The following CRYBG3 variants were observed in gnomAD, a reference collection of about 807,000 sequenced individuals.
CRYBG3 encodes very large A-kinase anchor protein.
In CRYBG3, 127 loss-of-function variants were observed where a neutral mutation model predicts 244.2. The ratio of observed to expected loss-of-function variants is 0.52; its 90% confidence interval spans 0.45 to 0.60. CRYBG3 has a LOEUF of 0.60. Ranked by LOEUF, CRYBG3 falls within the 20% of genes least tolerant of loss-of-function variation. CRYBG3 has a pLI of 0.00. For missense variants in CRYBG3, 3,325 were observed against 3,442.5 expected, an observed-to-expected ratio of 0.97 and a Z score of 0.85; for synonymous variants, 1,132 against 1,195.8, an observed-to-expected ratio of 0.95 and a Z score of 1.10.
rs1264094364 is a variant in CRYBG3 at position 97,896,039 on chromosome 3, G to A, written c.7655G>A (p.Cys2552Tyr). ...GGAGACTTTGAAGACAGTAATGCTT[G>A]TGGTGCATTAAGTAGCCCTATCTTG... is the stretch of plus-strand genomic sequence containing the variant. ...EEGDFEDSNACGALSSPILSF... is the reference protein window; with the variant it reads ...EEGDFEDSNAYGALSSPILSF... The change falls in exon 12 of 22, where the codon TGT becomes TAT. Residue 2552 changes from cysteine (C) to tyrosine (Y), a missense_variant. Cys to Tyr is a radical substitution (Grantham distance 194, BLOSUM62 -2). Around this residue, in one of 4 missense-constraint regions of CRYBG3, gnomAD observed 714 missense variants for 803.6 expected, o/e 0.89. Coordinates refer to ENST00000389622, the MANE Select transcript of CRYBG3 (RefSeq NM_153605.4). 6.2e-7 allele frequency: 1 copy of A among 1,613,022 alleles called. No homozygotes were observed. Among genetic ancestry groups the A allele is most frequent in the East Asian group, 2.2e-5 (1 of 44,834 alleles).
At chr3:97,842,105 T>G (rs1206798349) in intron 1 of CRYBG3, among the ~76,000 whole-genome samples, 1 of 152,176 alleles carries the variant, frequency 6.6e-6, no homozygotes, top group Non-Finnish European at 1.5e-5. Context: ...CTAACTAGAC[T>G]GAGTTTTGCA....
intron 7 of CRYBG3, among the ~76,000 whole-genome samples, chr3:97,881,978 G>A (rs573091856): frequency 6.6e-6 from 1 of 151,936 alleles, no homozygotes; most frequent in South Asian, 2.1e-4. Context: ...GGAGGCTGAG[G>A]TGGGTGGATC....
chr3:97,937,043 G>A (rs1360658083), intron 19 of CRYBG3, 135 bp downstream of exon 19: 9 of 925,300 alleles, frequency 9.7e-6, no homozygotes, highest in Admixed American at 5.6e-5. Context: ...TTAGGATGCG[G>A]ATATCTTGTA....
intron 17 of CRYBG3, among the ~76,000 whole-genome samples, chr3:97,930,735 G>A (rs1270404786): frequency 6.6e-6 from 1 of 152,014 alleles, no homozygotes; most frequent in Non-Finnish European, 1.5e-5. Flanking sequence ...GTGGCTAGTG[G>A]CTGCCATATT....
chr3:97,891,724 C>T (rs955371071), intron 10 of CRYBG3, among the ~76,000 whole-genome samples: 4 of 152,046 alleles, frequency 2.6e-5, no homozygotes, highest in African/African-American at 9.7e-5. Flanking sequence ...AAGGAGGCAA[C>T]TCAGGAGCGT....
chr3:97,874,834 G>T lies in CRYBG3; in HGVS notation c.3640G>T (p.Glu1214Ter). 1.3e-6 allele frequency: 2 copies of T among 1,535,892 alleles called. No homozygotes were observed. Among genetic ancestry groups the T allele is most frequent in the Non-Finnish European group, 1.7e-6 (2 of 1,146,818 alleles). The change falls in exon 4 of 22, where the codon GAA becomes TAA. Residue 1214 changes from glutamate to a stop codon, truncating the protein, a stop_gained. Coordinates refer to ENST00000389622, the MANE Select transcript of CRYBG3 (RefSeq NM_153605.4). LOFTEE classifies it high-confidence loss of function. ...IGEIFNSVRE[E>*]LKFKHTVSTC... ...TGAGATTTTTAATTCTGTCAGGGAA[G>T]AACTAAAATTCAAACACACAGTGAG...
In CRYBG3 at chr3:97,873,070, G is replaced by A. The variant is rs1320683881; in HGVS notation, c.1876G>A (p.Asp626Asn). ...AAGTCACATTTCAGAAACTCCTCTT[G>A]ACTCTGAGAGTCCTCAACAAGCTGA... ...NRSHISETPL[D>N]SESPQQAEVS... is the part of the protein sequence containing the mutation. Residue 626 changes from aspartate (D) to asparagine (N), a missense_variant, in exon 4 of 22, where the codon GAC (aspartate) becomes AAC (asparagine). By Grantham distance (23) the Asp-to-Asn change is conservative (BLOSUM62 1). This residue lies in a region of CRYBG3 where 1,526 missense variants were observed against 1,443.2 expected (regional missense o/e 1.06). Coordinates refer to ENST00000389622, the MANE Select transcript of CRYBG3 (RefSeq NM_153605.4). The A allele has an allele frequency of 7.2e-6, 11 of 1,534,338 alleles. No homozygotes were observed. In the Admixed American group the frequency reaches 1.6e-4, roughly 22 times the overall value.
Position 97,877,781 on chromosome 3 carries a change from C to A in CRYBG3, c.6587C>A (p.Ser2196Ter). The A allele has an allele frequency of 6.2e-7, 1 of 1,614,044 alleles. No individual in the cohort carries two copies. Among genetic ancestry groups the A allele is most frequent in the Non-Finnish European group, 8.5e-7 (1 of 1,179,998 alleles). The stretch of plus-strand genomic sequence containing the variant: ...GAGAGCGTTGGAATTTCTAAGAATT[C>A]ATATGTGATGCCAAATGAACCTACT... Reference protein sequence around the residue: ...DQESVGISKNSYVMPNEPTTS... With the variant: ...DQESVGISKN The change falls in exon 4 of 22, where the codon TCA (serine) becomes TAA (stop). Residue 2196 changes from serine to a stop codon, truncating the protein, a stop_gained. Transcript: ENST00000389622. LOFTEE classifies it high-confidence loss of function.
At chr3:97,910,167 C>T (rs2039849965) in intron 15 of CRYBG3, among the ~76,000 whole-genome samples, 1 of 151,460 alleles carries the variant, frequency 6.6e-6, no homozygotes, top group East Asian at 2.0e-4. Context: ...CAGACAGGGA[C>T]ATTTAAGTCT....
chr3:97,825,581 A>G (rs954319616), intron 1 of CRYBG3, among the ~76,000 whole-genome samples: 2 of 152,232 alleles, frequency 1.3e-5, no homozygotes, highest in Non-Finnish European at 2.9e-5. Context: ...GAATGGAACA[A>G]TTCTTTGAAC....
At chr3:97,892,306 G>A (rs1214564664) in intron 10 of CRYBG3, among the ~76,000 whole-genome samples, 1 of 152,002 alleles carries the variant, frequency 6.6e-6, no homozygotes, top group Admixed American at 6.6e-5. Context: ...TTGTTTCTAC[G>A]GTTAATCATC....
At chr3:97,847,656 A>G (rs1485188371) in intron 2 of CRYBG3, among the ~76,000 whole-genome samples, 1 of 152,212 alleles carries the variant, frequency 6.6e-6, no homozygotes. Flanking sequence ...CAGGTTATAG[A>G]TTCTCCAACC....
intron 2 of CRYBG3, among the ~76,000 whole-genome samples, chr3:97,856,573 G>A (rs571581437): frequency 2.2e-4 from 34 of 152,292 alleles, no homozygotes; most frequent in African/African-American, 7.9e-4. Context: ...ACTAATAAAT[G>A]TCCATGAAAT....
chr3:97,878,373 G>C (rs1311356608), intron 4 of CRYBG3, among the ~76,000 whole-genome samples: 1 of 152,200 alleles, frequency 6.6e-6, no homozygotes, highest in African/African-American at 2.4e-5. Flanking sequence ...TCGCACCAGT[G>C]CACTCCAGTC....
rs1476840005 is a variant in CRYBG3, at chr3:97,876,849, G to A, written c.5655G>A (p.Glu1885=). ...TGLELTTKQG[E]AMLPAFESKT... ...TAGAATTGACCACTAAACAAGGGGAGGCCATGCTTCCTGCATTTGAAAGTA... is the reference window on the plus strand; with the variant it reads ...TAGAATTGACCACTAAACAAGGGGAAGCCATGCTTCCTGCATTTGAAAGTA... Residue 1885 remains glutamate, a synonymous_variant, in exon 4 of 22, where the codon GAG becomes GAA. Coordinates refer to ENST00000389622, the MANE Select transcript of CRYBG3 (RefSeq NM_153605.4). 15 of 1,378,298 alleles carry A rather than the reference G, an allele frequency of 1.1e-5. No individual in the cohort carries two copies. Among genetic ancestry groups the A allele is most frequent in the Non-Finnish European group, 1.4e-5 (15 of 1,067,932 alleles). The allele number at this position is 1,378,298 out of a possible 1,614,324, so 85.4% of individuals were successfully genotyped here.
At chr3:97,865,794 G>A (rs1395278905) in intron 3 of CRYBG3, among the ~76,000 whole-genome samples, 7 of 152,082 alleles carry the variant, frequency 4.6e-5, no homozygotes, top group Admixed American at 3.9e-4. Context: ...CAATAAAAAA[G>A]TTAAATTGTA....
intron 15 of CRYBG3, among the ~76,000 whole-genome samples, chr3:97,905,146 T>C (rs1386639277): frequency 6.6e-6 from 1 of 152,186 alleles, no homozygotes; most frequent in Non-Finnish European, 1.5e-5. Flanking sequence ...TCTATCATTG[T>C]TGGACATTTG....
Position 97,872,248 on chromosome 3 carries a change from A to T in CRYBG3, c.1054A>T (p.Thr352Ser). 6.5e-7 allele frequency: 1 copy of T among 1,535,912 alleles called. No homozygotes were observed. Residue 352 changes from threonine (T) to serine (S), a missense_variant, in exon 4 of 22, where the codon ACT (threonine) becomes TCT (serine). Transcript: ENST00000389622. ...AAATAGGTCATCCCCTTCTTCTGTGACTAACTCCAGCTACGATGGAGAATC... is the reference window on the plus strand; with the variant it reads ...AAATAGGTCATCCCCTTCTTCTGTGTCTAACTCCAGCTACGATGGAGAATC... ...ERNRSSPSSV[T>S]NSSYDGESDS...
intron 18 of CRYBG3, among the ~76,000 whole-genome samples, chr3:97,934,663 C>T (rs957216867): frequency 4.0e-5 from 6 of 151,780 alleles, no homozygotes; most frequent in Non-Finnish European, 7.4e-5. Flanking sequence ...ATTAAGCAAA[C>T]TATTATAATA....
Sources: gnomAD v4.1 joint callset for allele counts (sites outside exome capture counted in the v4.1 genomes callset) on GRCh38, gnomAD v4.1.1 for gene constraint, gnomAD v4.1.1 regional missense constraint, MANE v1.5 for transcripts, NCBI Gene and HGNC (gene_info 2026-07-23, HGNC 2026-07-21) for gene names.